Variants in OXR1 observed in about 807,000 individuals in gnomAD.
OXR1 encodes the protein oxidation resistance protein 1.
OXR1 carries 41 observed loss-of-function variants against 104.6 expected under a neutral mutation model. The observed-to-expected ratio is 0.39, with a 90% CI of 0.31 to 0.51. The LOEUF (loss-of-function observed/expected upper bound fraction) is 0.51, where lower values mean the gene tolerates loss of function less well. Ranked by LOEUF, OXR1 falls within the 20% of genes least tolerant of loss-of-function variation. OXR1 has a pLI of 0.77. For synonymous variants in OXR1, 348 were observed against 348.4 expected, an observed-to-expected ratio of 1.00 and a Z score of 0.01; for missense variants, 955 against 1,031.9, an observed-to-expected ratio of 0.93 and a Z score of 1.02.
At chr8:106,505,357 G>A (rs2129982698) in intron 2 of OXR1, among the ~76,000 whole-genome samples, 1 of 152,260 alleles carries the variant, frequency 6.6e-6, no homozygotes, top group African/African-American at 2.4e-5. Flanking sequence ...TGTTTTTGGT[G>A]TGCATATAAT....
chr8:106,274,597 G>A (rs1586459414), intron 1 of OXR1, among the ~76,000 whole-genome samples: 1 of 84,870 alleles, frequency 1.2e-5, no homozygotes, highest in Non-Finnish European at 2.2e-5. Flanking sequence ...ACCCAGCAAC[G>A]CCACCCCCCC....
chr8:106,598,777 T>A (rs556656839), intron 3 of OXR1, among the ~76,000 whole-genome samples: 1 of 152,336 alleles, frequency 6.6e-6, no homozygotes, highest in East Asian at 1.9e-4. Context: ...GATGAAATTT[T>A]AGTGTAAACT....
intron 3 of OXR1, among the ~76,000 whole-genome samples, chr8:106,575,075 C>T (rs1264942680): frequency 6.6e-6 from 1 of 151,996 alleles, no homozygotes; most frequent in Non-Finnish European, 1.5e-5. Context: ...AAATGTGATT[C>T]TCAATATCAT....
intron 3 of OXR1, among the ~76,000 whole-genome samples, chr8:106,570,723 A>G (rs1354808814): frequency 6.6e-6 from 1 of 152,124 alleles, no homozygotes; most frequent in East Asian, 1.9e-4. Context: ...CATTGTCCCC[A>G]GATGCCTGTC....
chr8:106,275,126 G>A (rs1236913902), intron 1 of OXR1, among the ~76,000 whole-genome samples: 2 of 152,158 alleles, frequency 1.3e-5, no homozygotes, highest in Non-Finnish European at 2.9e-5. Flanking sequence ...TTGTTGAAAA[G>A]ACTTCAGAAC....
chr8:106,519,994 G>A (rs906330420), intron 3 of OXR1, among the ~76,000 whole-genome samples: 3 of 152,026 alleles, frequency 2.0e-5, no homozygotes, highest in African/African-American at 4.8e-5. Flanking sequence ...ATGGTGTGTA[G>A]GGGAGACAAA....
At chr8:106,339,509 AAAAAAAAAAAATATATATATATATAT>A (rs1815118750) in intron 1 of OXR1, among the ~76,000 whole-genome samples, 1 of 50,794 alleles carries the variant, frequency 2.0e-5, no homozygotes, top group Non-Finnish European at 3.1e-5. Context: ...AAAAAAAAAA[AAAAAAAAAAAATATATATATATATAT>A]ATATATATAT....
intron 3 of OXR1, chr8:106,580,963 C>A: frequency 9.9e-7 from 1 of 1,005,984 alleles, no homozygotes. Flanking sequence ...AAAACACATG[C>A]TTGTTTCCTC....
At chr8:106,694,229 G>T (rs1829596074) in intron 7 of OXR1, among the ~76,000 whole-genome samples, 1 of 151,228 alleles carries the variant, frequency 6.6e-6, no homozygotes. Context: ...TGTGTTGGGT[G>T]GAATATTCCA....
intron 1 of OXR1, among the ~76,000 whole-genome samples, chr8:106,294,472 G>C (rs1374566144): frequency 1.3e-5 from 2 of 151,776 alleles, no homozygotes; most frequent in African/African-American, 4.8e-5. Context: ...AGCTGTCTCA[G>C]GGTTCTGCAG....
At chr8:106,278,374 T>TA (rs1284574537) in intron 1 of OXR1, among the ~76,000 whole-genome samples, 2 of 152,192 alleles carry the variant, frequency 1.3e-5, no homozygotes, top group African/African-American at 4.8e-5. Context: ...GTTCCTGGCT[T>TA]ACCTTACTAA....
At chr8:106,328,455 T>C (rs975266102) in intron 1 of OXR1, among the ~76,000 whole-genome samples, 1 of 152,214 alleles carries the variant, frequency 6.6e-6, no homozygotes, top group African/African-American at 2.4e-5. Context: ...TTTTTATCCC[T>C]GTCCAGTAAA....
intron 3 of OXR1, among the ~76,000 whole-genome samples, chr8:106,655,161 G>C (rs1168590822): frequency 6.6e-6 from 1 of 152,080 alleles, no homozygotes; most frequent in Non-Finnish European, 1.5e-5. Context: ...ACTACAGATG[G>C]TAAAAAGTTT....
At chr8:106,330,996 G>T (rs1450098544) in intron 1 of OXR1, among the ~76,000 whole-genome samples, 1 of 152,148 alleles carries the variant, frequency 6.6e-6, no homozygotes, top group East Asian at 1.9e-4. Context: ...AGTGCTAAGA[G>T]AAATAAAGTT....
intron 1 of OXR1, among the ~76,000 whole-genome samples, chr8:106,305,418 G>T (rs766534690): frequency 9.2e-5 from 14 of 152,088 alleles, no homozygotes; most frequent in Non-Finnish European, 2.1e-4. Context: ...ACATTTCTAG[G>T]TAAGGCAAAC....
At chr8:106,496,010 A>T (rs1257636474) in intron 2 of OXR1, among the ~76,000 whole-genome samples, 1 of 152,184 alleles carries the variant, frequency 6.6e-6, no homozygotes, top group Non-Finnish European at 1.5e-5. Context: ...TTTATAATAA[A>T]AAATAAATAT....
At chr8:106,418,009 C>G (rs1415132363) in intron 2 of OXR1, among the ~76,000 whole-genome samples, 1 of 152,052 alleles carries the variant, frequency 6.6e-6, no homozygotes, top group African/African-American at 2.4e-5. Flanking sequence ...TCAGACTTCT[C>G]TCAGGGATGC....
intron 7 of OXR1, among the ~76,000 whole-genome samples, chr8:106,700,192 T>C (rs747702821): frequency 6.6e-6 from 1 of 152,214 alleles, no homozygotes; most frequent in Non-Finnish European, 1.5e-5. Context: ...GATACTTTAA[T>C]TGAAAACGTC....
chr8:106,351,972 A>G (rs1815745325), intron 1 of OXR1, among the ~76,000 whole-genome samples: 1 of 152,178 alleles, frequency 6.6e-6, no homozygotes, highest in Admixed American at 6.5e-5. Context: ...TGGTAATCGC[A>G]TCCAGGAGTT....
Sources: gnomAD v4.1 joint callset for allele counts (sites outside exome capture counted in the v4.1 genomes callset) on GRCh38, gnomAD v4.1.1 for gene constraint, MANE v1.5 for transcripts, NCBI Gene and HGNC (gene_info 2026-07-23, HGNC 2026-07-21) for gene names.